Variants in PDZRN3 observed in about 807,000 individuals in gnomAD.
PDZRN3 encodes E3 ubiquitin-protein ligase PDZRN3.
A neutral mutation model predicts 85.7 loss-of-function variants in PDZRN3; 38 were observed. That is an observed-to-expected ratio of 0.44 (90% CI 0.34 to 0.58). The LOEUF (loss-of-function observed/expected upper bound fraction) is 0.58, where lower values mean the gene tolerates loss of function less well. PDZRN3 is among the 20% of genes least tolerant of loss of function. The probability of loss-of-function intolerance (pLI) is 0.01; values close to 1 mark genes in which losing one functional copy is unlikely to be tolerated. For synonymous variants in PDZRN3, 759 were observed against 638.0 expected, an observed-to-expected ratio of 1.19 and a Z score of -2.86; for missense variants, 1,629 against 1,506.4, an observed-to-expected ratio of 1.08 and a Z score of -1.35.
intron 3 of PDZRN3, among the ~76,000 whole-genome samples, chr3:73,460,045 T>C (rs1703072289): frequency 6.6e-6 from 1 of 152,210 alleles, no homozygotes; most frequent in South Asian, 2.1e-4. Context: ...CATATATACA[T>C]TATGGGGGCT....
chr3:73,386,928 T>C (rs1389213532), intron 8 of PDZRN3, among the ~76,000 whole-genome samples: 1 of 152,218 alleles, frequency 6.6e-6, no homozygotes, highest in Non-Finnish European at 1.5e-5. Context: ...CCTTGAATTG[T>C]AGCTCCCATA....
intron 3 of PDZRN3, among the ~76,000 whole-genome samples, chr3:73,475,243 G>A (rs1703425502): frequency 6.6e-6 from 1 of 152,148 alleles, no homozygotes; most frequent in Non-Finnish European, 1.5e-5. Flanking sequence ...ACCCTCCACT[G>A]AGAGATCATA....
chr3:73,420,940 T>G (rs574197389), intron 3 of PDZRN3, among the ~76,000 whole-genome samples: 13 of 152,354 alleles, frequency 8.5e-5, no homozygotes, highest in South Asian at 4.1e-4. Flanking sequence ...ATTGTAGGCT[T>G]GGCATACCAA....
Position 73,401,019 on chromosome 3 carries a change from G to A in PDZRN3, c.1167-10C>T, listed in dbSNP as rs1237916567. ...ATGGGCTGAGGGATGCCTGAAAAGAGATGCAACATCTTTACAGCCCTTCTT... is the reference window on the plus strand; with the variant it reads ...ATGGGCTGAGGGATGCCTGAAAAGAAATGCAACATCTTTACAGCCCTTCTT... On this transcript the variant is annotated splice_polypyrimidine_tract_variant and intron_variant, in intron 4 of 9. Transcript: ENST00000263666. 1 of 1,580,196 alleles carries A rather than the reference G, an allele frequency of 6.3e-7. No homozygotes were observed. The highest frequency in any genetic ancestry group is 1.1e-5 in the South Asian group (1 of 90,382).
rs550796999 is a variant in PDZRN3 at position 73,572,482 on chromosome 3, C to T, written c.918+29872G>A. Among the ~76,000 whole-genome samples, 5 of 152,158 alleles carry T rather than the reference C, an allele frequency of 3.3e-5. No individual in the cohort carries two copies. In the East Asian group the frequency reaches 5.8e-4, roughly 18 times the overall value. On this transcript the variant is annotated intron_variant, in intron 3 of 9. Coordinates refer to ENST00000263666, the MANE Select transcript of PDZRN3 (RefSeq NM_015009.3). ...GGTTCCTTGGAGTGTATTCCTCTAC[C>T]CTGGGCCTTAAAACTTCACATGTAT...
chr3:73,585,480 C>T (rs1256563085), intron 3 of PDZRN3, among the ~76,000 whole-genome samples: 3 of 152,154 alleles, frequency 2.0e-5, no homozygotes, highest in African/African-American at 4.8e-5. Flanking sequence ...AAGGTTGTGG[C>T]CTGGTGGTAG....
intron 3 of PDZRN3, among the ~76,000 whole-genome samples, chr3:73,435,137 G>A (rs553526907): frequency 1.3e-4 from 20 of 152,264 alleles, no homozygotes; most frequent in Non-Finnish European, 2.5e-4. Flanking sequence ...TCAGGGAGCC[G>A]AGACACACCT....
chr3:73,489,296 T>C (rs1484545190), intron 3 of PDZRN3, among the ~76,000 whole-genome samples: 1 of 152,228 alleles, frequency 6.6e-6, no homozygotes, highest in African/African-American at 2.4e-5. Flanking sequence ...ATATCTTTAA[T>C]GGTACCTTTT....
rs1703272135 is a variant in PDZRN3, at chr3:73,382,947, AG to A, written c.*417del. Reference sequence around the variant, plus strand: ...ATTCAGTAACGTACCATTATAAAATAGGGTTCCATTAAAAATACATACTGGC... The same window carrying A: ...ATTCAGTAACGTACCATTATAAAATAGGTTCCATTAAAAATACATACTGGC... On this transcript the variant is annotated 3_prime_UTR_variant, in exon 10 of 10. Coordinates refer to ENST00000263666, the MANE Select transcript of PDZRN3 (RefSeq NM_015009.3). The A allele has an allele frequency of 6.1e-6, 1 of 163,276 alleles. No individual in the cohort carries two copies. Among genetic ancestry groups the A allele is most frequent in the Admixed American group, 5.7e-5 (1 of 17,502 alleles). The allele number at this position is 163,276 out of a possible 1,614,324, so 10.1% of individuals were successfully genotyped here.
intron 3 of PDZRN3, among the ~76,000 whole-genome samples, chr3:73,553,980 A>C (rs1701628183): frequency 1.3e-5 from 2 of 152,338 alleles, no homozygotes; most frequent in South Asian, 4.1e-4. Flanking sequence ...GAAGAAACTG[A>C]CAACTGTATA....
chr3:73,481,804 C>T (rs1417669379), intron 3 of PDZRN3, among the ~76,000 whole-genome samples: 1 of 152,096 alleles, frequency 6.6e-6, no homozygotes, highest in Non-Finnish European at 1.5e-5. Flanking sequence ...GTATAATGGA[C>T]CTCAACGATT....
At chr3:73,554,667 G>A (rs187708562) in intron 3 of PDZRN3, among the ~76,000 whole-genome samples, 2 of 152,092 alleles carry the variant, frequency 1.3e-5, no homozygotes, top group East Asian at 3.9e-4. Flanking sequence ...AAGACATAAA[G>A]GTAAGAGAAA....
chr3:73,468,413 C>A (rs573986417), intron 3 of PDZRN3, among the ~76,000 whole-genome samples: 3 of 152,196 alleles, frequency 2.0e-5, no homozygotes, highest in African/African-American at 7.2e-5. Flanking sequence ...CCTTTTCCCC[C>A]CTCTCCATGC....
At chr3:73,512,773 T>G (rs143192045) in intron 3 of PDZRN3, among the ~76,000 whole-genome samples, 201 of 152,270 alleles carry the variant, frequency 1.3e-3, no homozygotes, top group African/African-American at 4.7e-3. Context: ...AGCCAAACAT[T>G]CCCTCATTCT....
intron 1 of PDZRN3, among the ~76,000 whole-genome samples, chr3:73,612,963 G>A (rs768634063): frequency 2.0e-5 from 3 of 152,166 alleles, no homozygotes; most frequent in Admixed American, 2.0e-4. Context: ...GTTCAACACC[G>A]AGGTCATGAT....
intron 3 of PDZRN3, among the ~76,000 whole-genome samples, chr3:73,512,370 A>G (rs997641015): frequency 6.6e-6 from 1 of 152,218 alleles, no homozygotes; most frequent in African/African-American, 2.4e-5. Context: ...ACACTCTTCA[A>G]CCAGTTTCAT....
intron 3 of PDZRN3, among the ~76,000 whole-genome samples, chr3:73,596,830 T>C (rs1702436898): frequency 1.3e-5 from 2 of 152,224 alleles, no homozygotes; most frequent in Non-Finnish European, 2.9e-5. Flanking sequence ...TAGGGACCAT[T>C]AGCAAGATCA....
chr3:73,523,065 C>T (rs918042591), intron 3 of PDZRN3, among the ~76,000 whole-genome samples: 1 of 152,176 alleles, frequency 6.6e-6, no homozygotes, highest in Non-Finnish European at 1.5e-5. Flanking sequence ...CTCTGTCGCC[C>T]AGGCTGGAGT....
At chr3:73,401,191 T>C in intron 4 of PDZRN3, 182 bp from the exon 5 acceptor site, 1 of 552,004 alleles carries the variant, frequency 1.8e-6, no homozygotes, top group Non-Finnish European at 3.3e-6. Context: ...ATTTTACCAT[T>C]TGCCTTTAGT....
Sources: allele counts gnomAD v4.1 joint callset (sites outside exome capture counted in the v4.1 genomes callset), GRCh38; gene constraint gnomAD v4.1.1; transcripts MANE v1.5; gene names NCBI Gene and HGNC (gene_info 2026-07-23, HGNC 2026-07-21).